DISC1: variants seen among roughly 807,000 people sequenced by gnomAD.
DISC1 encodes disrupted in schizophrenia 1 protein.
DISC1 carries 57 observed loss-of-function variants against 84.5 expected under a neutral mutation model. The ratio of observed to expected loss-of-function variants is 0.67; its 90% CI spans 0.55 to 0.84. DISC1 has a LOEUF of 0.84. Ranked by LOEUF, DISC1 falls within the 40% of genes least tolerant of loss-of-function variation. The pLI, the probability that DISC1 is intolerant of heterozygous loss-of-function variation, is 0.00. For synonymous variants in DISC1, 411 were observed against 415.2 expected, an observed-to-expected ratio of 0.99 and a Z score of 0.12; for missense variants, 1,000 against 1,057.8, an observed-to-expected ratio of 0.95 and a Z score of 0.76.
intron 9 of DISC1, among the ~76,000 whole-genome samples, chr1:231,895,432 A>G (rs552766924): frequency 2.0e-4 from 30 of 150,366 alleles, no homozygotes; most frequent in African/African-American, 5.6e-4. Flanking sequence ...GTGTGTGTGT[A>G]TATATATATA....
At chr1:231,975,305 A>G (rs915904426) in intron 10 of DISC1, among the ~76,000 whole-genome samples, 1 of 152,228 alleles carries the variant, frequency 6.6e-6, no homozygotes, top group Non-Finnish European at 1.5e-5. Flanking sequence ...ATTATCTAAA[A>G]GACAAAAAAT....
At chr1:231,717,193 A>T (rs113317651) in intron 3 of DISC1, among the ~76,000 whole-genome samples, 28 of 152,320 alleles carry the variant, frequency 1.8e-4, no homozygotes, top group African/African-American at 6.5e-4. Flanking sequence ...CCATTAAAAA[A>T]AAGTTCTCTA....
chr1:231,987,567 A>G (rs1401587209), intron 10 of DISC1, among the ~76,000 whole-genome samples: 1 of 152,240 alleles, frequency 6.6e-6, no homozygotes, highest in African/African-American at 2.4e-5. Context: ...CAGAGGTGAT[A>G]GATGAAAGCC....
intron 9 of DISC1, among the ~76,000 whole-genome samples, chr1:231,913,074 A>T (rs2089373356): frequency 1.3e-5 from 2 of 151,792 alleles, no homozygotes. Context: ...TGCCCAGCTA[A>T]TTTTTTACAG....
At chr1:231,977,804 A>T (rs943821883) in intron 10 of DISC1, among the ~76,000 whole-genome samples, 2 of 152,260 alleles carry the variant, frequency 1.3e-5, no homozygotes, top group African/African-American at 4.8e-5. Context: ...GACTTAAAAA[A>T]TAACTGCAAT....
At chr1:231,863,220 CTTTTTTTTTTTTT>C (rs533463099) in intron 9 of DISC1, among the ~76,000 whole-genome samples, 62 of 54,772 alleles carry the variant, frequency 1.1e-3, no homozygotes, top group Non-Finnish European at 6.2e-4. Flanking sequence ...ATAAAATGTT[CTTTTTTTTTTTTT>C]TTTTTTTTTT....
At chr1:231,986,828 T>A (rs774520256) in intron 10 of DISC1, among the ~76,000 whole-genome samples, 2 of 152,108 alleles carry the variant, frequency 1.3e-5, no homozygotes, top group East Asian at 3.9e-4. Context: ...TGCTTAAAGT[T>A]TGGTGTCTCA....
chr1:231,883,437 G>A (rs2086439733), intron 9 of DISC1, among the ~76,000 whole-genome samples: 1 of 152,144 alleles, frequency 6.6e-6, no homozygotes, highest in Admixed American at 6.5e-5. Flanking sequence ...GTTGCACAGG[G>A]ACTTGTGATG....
intron 1 of DISC1, among the ~76,000 whole-genome samples, chr1:231,686,065 C>T (rs2064232341): frequency 6.6e-6 from 1 of 152,202 alleles, no homozygotes; most frequent in South Asian, 2.1e-4. Flanking sequence ...GGCAGCTCCA[C>T]CCCTGTCGCT....
intron 1 of DISC1, among the ~76,000 whole-genome samples, chr1:231,636,467 C>G (rs2059211837): frequency 6.6e-6 from 1 of 152,108 alleles, no homozygotes; most frequent in South Asian, 2.1e-4. Context: ...TTTTGTATGT[C>G]TTTCTTTACT....
intron 9 of DISC1, among the ~76,000 whole-genome samples, chr1:231,843,892 T>G (rs939993432): frequency 3.3e-5 from 5 of 152,246 alleles, no homozygotes; most frequent in African/African-American, 1.2e-4. Context: ...GAGAGCTGAC[T>G]GACGGCAGGG....
intron 10 of DISC1, 98 bp downstream of exon 10, chr1:231,958,986 T>C (rs1422386018): frequency 3.4e-6 from 5 of 1,482,324 alleles, no homozygotes; most frequent in Non-Finnish European, 4.5e-6. Context: ...CTGGCCAGTT[T>C]CTCTAATAAA....
intron 9 of DISC1, among the ~76,000 whole-genome samples, chr1:231,880,915 G>A (rs2086247224): frequency 6.6e-6 from 1 of 152,170 alleles, no homozygotes; most frequent in Non-Finnish European, 1.5e-5. Context: ...TGTTCAAGGT[G>A]TTATCAATAG....
At chr1:231,959,026 T>C (rs1660021542) in intron 10 of DISC1, 138 bp downstream of exon 10, 1 of 1,439,964 alleles carries the variant, frequency 6.9e-7, no homozygotes, top group Admixed American at 3.0e-5. Context: ...AAAAGCCTTT[T>C]GAACCCCATC....
chr1:231,924,971 TTA>T (rs1409488842), intron 9 of DISC1, among the ~76,000 whole-genome samples: 1 of 151,482 alleles, frequency 6.6e-6, no homozygotes, highest in Non-Finnish European at 1.5e-5. Context: ...TTTTTTTTTT[TTA>T]AATGATTCTT....
chr1:231,755,032 A>G (rs1450724423), intron 4 of DISC1, among the ~76,000 whole-genome samples: 1 of 152,216 alleles, frequency 6.6e-6, no homozygotes, highest in Non-Finnish European at 1.5e-5. Context: ...CTAAATTAAA[A>G]GACATTTTTC....
chr1:231,785,260 TA>T (rs1284960689), intron 6 of DISC1, among the ~76,000 whole-genome samples: 6 of 77,148 alleles, frequency 7.8e-5, no homozygotes, highest in Non-Finnish European at 1.8e-4. Context: ...TGTGTTATTT[TA>T]TTTATTTATT....
chr1:231,830,811 A>T (rs1002572240), intron 9 of DISC1, among the ~76,000 whole-genome samples: 1 of 152,236 alleles, frequency 6.6e-6, no homozygotes, highest in Non-Finnish European at 1.5e-5. Flanking sequence ...AGTATTGTCC[A>T]GTCCTTTTTA....
intron 9 of DISC1, chr1:231,941,036 C>T (rs938985365): frequency 6.6e-6 from 1 of 152,248 alleles, no homozygotes; most frequent in African/African-American, 2.4e-5. Flanking sequence ...AACACCTCCT[C>T]TCATAGGCAT....
Sources: allele counts gnomAD v4.1 joint callset (sites outside exome capture counted in the v4.1 genomes callset), GRCh38; gene constraint gnomAD v4.1.1; transcripts MANE v1.5; gene names NCBI Gene and HGNC (gene_info 2026-07-23, HGNC 2026-07-21).